The following PCDH11X variants were observed in gnomAD, a reference collection of about 807,000 sequenced individuals.
PCDH11X encodes the protein protocadherin-11 X-linked.
PCDH11X carries 18 observed loss-of-function variants against 53.3 expected under a neutral mutation model. That is an observed-to-expected ratio of 0.34 (90% confidence interval 0.23 to 0.50). The LOEUF (loss-of-function observed/expected upper bound fraction) is 0.50, where lower values mean the gene tolerates loss of function less well. Among genes scored for constraint, PCDH11X ranks in the 20% least tolerant of loss-of-function variants. PCDH11X has a pLI of 0.98. For missense variants in PCDH11X, 570 were observed against 1,032.4 expected, an observed-to-expected ratio of 0.55 and a Z score of 6.14; for synonymous variants, 279 against 393.3, an observed-to-expected ratio of 0.71 and a Z score of 3.44.
intron 6 of PCDH11X, among the ~76,000 whole-genome samples, chrX:92,128,335 A>G (rs1180341074): frequency 2.7e-5 from 3 of 110,783 alleles, no homozygotes; most frequent in African/African-American, 9.8e-5. Context: ...CTTGGACAGA[A>G]AAGAAAGACA....
Position 92,342,863 on chromosome X carries a change from AT to A in PCDH11X, c.3145-44871del, listed in dbSNP as rs763313579. Among the ~76,000 whole-genome samples, 4 of 111,794 alleles carry A rather than the reference AT, an allele frequency of 3.6e-5. No individual in the cohort carries two copies. In the East Asian group the frequency reaches 1.1e-3, roughly 32 times the overall value. On this transcript the variant is annotated intron_variant, in intron 8 of 10. Transcript: ENST00000682573. ...GAATTTAAAATAAAAATAGAAAAAA[AT>A]AAACTCAAAAAAGAGAAAAGAATAT...
chrX:91,985,286 C>G (rs775201972), intron 6 of PCDH11X, among the ~76,000 whole-genome samples: 4 of 111,987 alleles, frequency 3.6e-5, no homozygotes, highest in African/African-American at 1.3e-4. Context: ...GCGGGTGGAT[C>G]ACAAGGTCAG....
intron 8 of PCDH11X, among the ~76,000 whole-genome samples, chrX:92,386,889 A>G (rs1400737758): frequency 1.0e-5 from 1 of 100,169 alleles, no homozygotes. Context: ...TGCAGATTCA[A>G]TGTGGTCTCA....
At chrX:92,514,603 C>T (rs1288185498) in intron 10 of PCDH11X, among the ~76,000 whole-genome samples, 3 of 104,828 alleles carry the variant, frequency 2.9e-5, no homozygotes, top group South Asian at 4.7e-4. Flanking sequence ...TGGTGGCGTG[C>T]ACCTGTAATC....
chrX:91,960,385 G>C (rs1359784080), intron 6 of PCDH11X, among the ~76,000 whole-genome samples: 3 of 110,713 alleles, frequency 2.7e-5, no homozygotes, highest in African/African-American at 9.9e-5. Context: ...TTTCTTCTAG[G>C]AGTTTTTGGT....
chrX:92,134,264 T>G (rs1452253909), intron 6 of PCDH11X, among the ~76,000 whole-genome samples: 1 of 110,597 alleles, frequency 9.0e-6, no homozygotes, highest in Non-Finnish European at 1.9e-5. Flanking sequence ...GTGAGGGAGG[T>G]ATGTCGTTTT....
At chrX:92,361,642 TA>T (rs1162621645) in intron 8 of PCDH11X, among the ~76,000 whole-genome samples, 3 of 109,408 alleles carry the variant, frequency 2.7e-5, no homozygotes, top group Non-Finnish European at 5.7e-5. Flanking sequence ...TGTTAGCTTT[TA>T]AAAGATTTGT....
chrX:91,987,380 C>G (rs2062243816), intron 6 of PCDH11X, among the ~76,000 whole-genome samples: 1 of 112,010 alleles, frequency 8.9e-6, no homozygotes, highest in African/African-American at 3.2e-5. Flanking sequence ...CCACACTCGA[C>G]CCAGACATAT....
intron 8 of PCDH11X, among the ~76,000 whole-genome samples, chrX:92,332,979 A>G (rs1271754889): frequency 8.9e-6 from 1 of 112,010 alleles, no homozygotes; most frequent in African/African-American, 3.2e-5. Flanking sequence ...GGGGTTACCA[A>G]ATAAGAAATA....
intron 6 of PCDH11X, among the ~76,000 whole-genome samples, chrX:92,111,422 A>C (rs2064508686): frequency 9.1e-6 from 1 of 109,421 alleles, no homozygotes; most frequent in Non-Finnish European, 1.9e-5. Context: ...GAAACTGTTC[A>C]TATGAGCTGT....
At chrX:92,355,122 ACTT>A (rs1320984097) in intron 8 of PCDH11X, among the ~76,000 whole-genome samples, 1 of 107,704 alleles carries the variant, frequency 9.3e-6, no homozygotes, top group East Asian at 3.0e-4. Context: ...TAAGTTGACT[ACTT>A]CTCATTAAAA....
chrX:92,217,989 T>C (rs1234143526), intron 7 of PCDH11X, among the ~76,000 whole-genome samples: 2 of 108,120 alleles, frequency 1.8e-5, no homozygotes, highest in Non-Finnish European at 3.8e-5. Flanking sequence ...GAAATAAAGA[T>C]GTTCTTTGAA....
At chrX:92,308,494 T>A (rs2068877680) in intron 8 of PCDH11X, among the ~76,000 whole-genome samples, 1 of 110,730 alleles carries the variant, frequency 9.0e-6, no homozygotes, top group African/African-American at 3.3e-5. Context: ...TATACAAAAA[T>A]TAATTCAAAA....
At chrX:91,866,560 C>G (rs1237483057) in intron 5 of PCDH11X, among the ~76,000 whole-genome samples, 1 of 111,407 alleles carries the variant, frequency 9.0e-6, no homozygotes, top group African/African-American at 3.3e-5. Flanking sequence ...TCTTCCTCCC[C>G]CAGTGCCCAG....
chrX:92,501,945 G>T (rs1287096948), intron 10 of PCDH11X, among the ~76,000 whole-genome samples: 1 of 110,655 alleles, frequency 9.0e-6, no homozygotes, highest in Non-Finnish European at 1.9e-5. Context: ...GTTTGCAGAT[G>T]ACATCATCCT....
In PCDH11X at chrX:92,383,215, A is replaced by G. The variant is rs189785594; in HGVS notation, c.3145-4520A>G. Among the ~76,000 whole-genome samples, 9 of 110,212 alleles carry G rather than the reference A, an allele frequency of 8.2e-5. No homozygotes were observed. In the Admixed American group the frequency reaches 8.8e-4, roughly 11 times the overall value. The stretch of plus-strand genomic sequence containing the variant: ...ATGGCCCACAAAGCCTAAAATATTT[A>G]CTATCTCATTCTTTACAGAAAAAGT... On this transcript the variant is annotated intron_variant, in intron 8 of 10. Coordinates refer to ENST00000682573, the MANE Select transcript of PCDH11X (RefSeq NM_032968.5).
chrX:92,299,774 A>C (rs950977093), intron 8 of PCDH11X, among the ~76,000 whole-genome samples: 2 of 110,740 alleles, frequency 1.8e-5, no homozygotes, highest in Non-Finnish European at 3.8e-5. Flanking sequence ...GCATTCATTA[A>C]TGTTTTTTAT....
chrX:92,367,241 A>C (rs2070496054), intron 8 of PCDH11X, among the ~76,000 whole-genome samples: 1 of 111,662 alleles, frequency 9.0e-6, no homozygotes. Context: ...CTTTACCATT[A>C]TGTAATGCCC....
chrX:92,412,085 A>G lies in PCDH11X; in HGVS notation c.3343+24152A>G, dbSNP rs186497561. ...AAGAGGAAGAGGAGGAGGAGGAGGA[A>G]GAAGAAGAAGAAGAAGAAGCAACAG... is the stretch of plus-strand genomic sequence containing the variant. On this transcript the variant is annotated intron_variant, in intron 9 of 10. Transcript: ENST00000682573. Among the ~76,000 whole-genome samples the G allele has an allele frequency of 5.4e-4, 32 of 59,005 alleles. No individual in the cohort carries two copies. In the East Asian group the frequency reaches 0.011, roughly 20 times the overall value. The allele number at this position is 59,005 out of a possible 115,157, so 51.2% of individuals were successfully genotyped here. A position where few individuals can be genotyped will look rare whatever the true frequency, so the allele number is the denominator to read the frequency against.
Sources: gnomAD v4.1 joint callset for allele counts (sites outside exome capture counted in the v4.1 genomes callset) on GRCh38, gnomAD v4.1.1 for gene constraint, MANE v1.5 for transcripts, NCBI Gene and HGNC (gene_info 2026-07-23, HGNC 2026-07-21) for gene names.